Variants in EPHA5 observed in about 807,000 individuals in gnomAD.
The protein encoded by EPHA5 is EPH receptor A5.
A neutral mutation model predicts 105.0 loss-of-function variants in EPHA5; 60 were observed. The observed-to-expected ratio is 0.57, with a 90% CI of 0.46 to 0.71. The LOEUF (loss-of-function observed/expected upper bound fraction) is 0.71, where lower values mean the gene tolerates loss of function less well. Among genes scored for constraint, EPHA5 ranks in the 30% least tolerant of loss-of-function variants. The pLI is 0.00. For synonymous variants in EPHA5, 513 were observed against 449.1 expected (o/e 1.14, Z -1.80); for missense variants, 1,218 against 1,274.7 (o/e 0.96, Z 0.68).
At chr4:65,513,819 C>T (rs779348429) in intron 3 of EPHA5, among the ~76,000 whole-genome samples, 12 of 151,816 alleles carry the variant, frequency 7.9e-5, no homozygotes, top group African/African-American at 1.9e-4. Context: ...TATTATATGC[C>T]GGCCTTGTCC....
At chr4:65,468,677 T>C (rs1157011645) in intron 5 of EPHA5, among the ~76,000 whole-genome samples, 1 of 10,376 alleles carries the variant, frequency 9.6e-5, no homozygotes, top group Non-Finnish European at 2.9e-4. Context: ...ATAACATATA[T>C]ACATATATAT....
In EPHA5 at chr4:65,435,846, T is replaced by A. The variant is rs1578112756; in HGVS notation, c.1403-15281A>T. ...CTGGAAAAAAAAATCCATCCACAAT[T>A]GGTGGATTCAATTATCTGACTGCAT... is the stretch of plus-strand genomic sequence containing the variant. On this transcript the variant is annotated intron_variant, in intron 5 of 16. Coordinates refer to ENST00000613740, the MANE Select transcript of EPHA5 (RefSeq NM_001281766.3). Among the ~76,000 whole-genome samples the A allele has an allele frequency of 3.9e-5, 6 of 152,160 alleles. No individual in the cohort carries two copies. The South Asian group carries it at 1.2e-3, about 32-fold the overall frequency.
intron 2 of EPHA5, among the ~76,000 whole-genome samples, chr4:65,643,028 T>C (rs894576803): frequency 2.0e-5 from 3 of 152,048 alleles, no homozygotes; most frequent in Non-Finnish European, 4.4e-5. Flanking sequence ...TAATAGCAAA[T>C]AAAATACTTT....
chr4:65,600,927 A>G (rs1202588810), intron 3 of EPHA5, among the ~76,000 whole-genome samples: 2 of 151,994 alleles, frequency 1.3e-5, no homozygotes, highest in East Asian at 1.9e-4. Flanking sequence ...AGAAGCATGC[A>G]TGATCAAGTT....
At chr4:65,613,427 T>G (rs1338245361) in intron 2 of EPHA5, among the ~76,000 whole-genome samples, 1 of 152,058 alleles carries the variant, frequency 6.6e-6, no homozygotes, top group Non-Finnish European at 1.5e-5. Context: ...TTGATATTTT[T>G]TATAGGAATT....
intron 5 of EPHA5, among the ~76,000 whole-genome samples, chr4:65,442,483 C>T (rs1029405544): frequency 1.3e-5 from 2 of 152,040 alleles, no homozygotes; most frequent in African/African-American, 4.8e-5. Flanking sequence ...TCTATGGCAT[C>T]GCTAGCTGAT....
chr4:65,348,815 A>T (rs4333243), intron 13 of EPHA5, among the ~76,000 whole-genome samples: 20,506 of 63,948 alleles, frequency 0.32, 4,731 homozygotes, highest in Middle Eastern at 0.47. Context: ...ATATATATAT[A>T]TTTTTTTTTT....
Position 65,414,321 on chromosome 4 carries a change from G to A in EPHA5, c.1650C>T (p.Val550=), listed in dbSNP as rs1723185835. The A allele has an allele frequency of 1.2e-6, 2 of 1,613,804 alleles. No homozygotes were observed. The highest frequency in any genetic ancestry group is 1.7e-6 in the Non-Finnish European group (2 of 1,179,918). Residue 550 remains valine (V), a synonymous_variant, in exon 7 of 17, where the codon GTC becomes GTT. Coordinates refer to ENST00000613740, the MANE Select transcript of EPHA5 (RefSeq NM_001281766.3). The part of the protein sequence containing the change: ...IRARTAAGYG[V]FSRRFEFETT... ...TTTCAAACTCAAATCTTCGACTGAA[G>A]ACACCATAGCCTGCTGCTGTACGTG...
At chr4:65,431,751 C>G (rs1724999662) in intron 5 of EPHA5, among the ~76,000 whole-genome samples, 1 of 152,116 alleles carries the variant, frequency 6.6e-6, no homozygotes, top group African/African-American at 2.4e-5. Flanking sequence ...TTAGATATCA[C>G]AGATAGAGAA....
intron 8 of EPHA5, among the ~76,000 whole-genome samples, chr4:65,385,188 A>T (rs1719961977): frequency 6.6e-6 from 1 of 151,944 alleles, no homozygotes; most frequent in South Asian, 2.1e-4. Context: ...TAATGAAAAA[A>T]TAACATCAAT....
rs2149571881 is a variant in EPHA5, at chr4:65,669,687, C to T, written c.56G>A (p.Gly19Asp). 9.1e-6 allele frequency: 12 copies of T among 1,316,280 alleles called. No homozygotes were observed. The highest frequency in any genetic ancestry group is 1.1e-5 in the Non-Finnish European group (11 of 1,029,154). The allele number at this position is 1,316,280 out of a possible 1,614,324, so 81.5% of individuals were successfully genotyped here. The change falls in exon 1 of 17, where the codon GGC (glycine) becomes GAC (aspartate). Residue 19 changes from glycine (G) to aspartate (D), a missense_variant. This residue lies in a region of EPHA5 where 233 missense variants were observed against 227.5 expected (regional missense o/e 1.02). Coordinates refer to ENST00000613740, the MANE Select transcript of EPHA5 (RefSeq NM_001281766.3). ...AGRRRPPSGG[G>D]DTPITPASLA... ...GGACGCTGGGGTGATGGGGGTGTCG[C>T]CGCCGCCGCTTGGGGGCCGCCGGCG...
intron 5 of EPHA5, among the ~76,000 whole-genome samples, chr4:65,443,703 G>A (rs546757563): frequency 2.0e-5 from 3 of 152,194 alleles, no homozygotes; most frequent in Non-Finnish European, 2.9e-5. Context: ...CAAGCTAATA[G>A]GAAAGGCAAT....
At chr4:65,409,357 A>ATAAATAAATAAG (rs2149004404) in intron 7 of EPHA5, among the ~76,000 whole-genome samples, 1 of 149,282 alleles carries the variant, frequency 6.7e-6, no homozygotes, top group East Asian at 2.0e-4. Flanking sequence ...AAATAAATAA[A>ATAAATAAATAAG]TAAATAAATA....
At chr4:65,436,856 C>T (rs1008758029) in intron 5 of EPHA5, among the ~76,000 whole-genome samples, 1 of 151,954 alleles carries the variant, frequency 6.6e-6, no homozygotes, top group East Asian at 1.9e-4. Flanking sequence ...TTTTTCCCCC[C>T]TTTATTTAGC....
chr4:65,569,641 G>A (rs1392659764), intron 3 of EPHA5, among the ~76,000 whole-genome samples: 1 of 151,556 alleles, frequency 6.6e-6, no homozygotes, highest in Admixed American at 6.6e-5. Flanking sequence ...TGAAAAATTA[G>A]AATATATTTT....
intron 3 of EPHA5, among the ~76,000 whole-genome samples, chr4:65,560,769 C>A (rs1331776680): frequency 1.3e-5 from 2 of 151,980 alleles, no homozygotes; most frequent in African/African-American, 4.8e-5. Context: ...GACATAATTC[C>A]TGCCTGTTAA....
intron 3 of EPHA5, 101 bp from the exon 4 acceptor site, chr4:65,495,644 T>A (rs1343457744): frequency 1.1e-6 from 1 of 915,458 alleles, no homozygotes; most frequent in African/African-American, 1.7e-5. Flanking sequence ...AGATTACAGA[T>A]AACACAATCT....
At chr4:65,581,227 C>T (rs900014966) in intron 3 of EPHA5, among the ~76,000 whole-genome samples, 3 of 151,728 alleles carry the variant, frequency 2.0e-5, no homozygotes, top group African/African-American at 7.2e-5. Context: ...GCTCTATATG[C>T]CAGAGTTTTA....
chr4:65,525,663 A>G (rs1735161714), intron 3 of EPHA5, among the ~76,000 whole-genome samples: 2 of 151,930 alleles, frequency 1.3e-5, no homozygotes, highest in Admixed American at 1.3e-4. Context: ...ACATAAAGAA[A>G]TAAAAACACA....
Sources: allele counts gnomAD v4.1 joint callset (sites outside exome capture counted in the v4.1 genomes callset), GRCh38; gene constraint gnomAD v4.1.1; regional missense constraint gnomAD v4.1.1; transcripts MANE v1.5; gene names NCBI Gene and HGNC (gene_info 2026-07-23, HGNC 2026-07-21).